SLC25A48: variants seen among roughly 807,000 people sequenced by gnomAD.
SLC25A48 encodes CTC-321K16.1.
In SLC25A48, 29 loss-of-function variants were observed where a neutral mutation model predicts 32.2. The observed-to-expected ratio is 0.90, with a 90% CI of 0.67 to 1.23. The LOEUF (loss-of-function observed/expected upper bound fraction) is 1.23. Among genes scored for constraint, SLC25A48 ranks in the 50% most tolerant of loss-of-function variants. The probability of loss-of-function intolerance (pLI) is 0.00; values close to 1 mark genes in which losing one functional copy is unlikely to be tolerated. For missense variants in SLC25A48, 399 were observed against 422.7 expected, an observed-to-expected ratio of 0.94 and a Z score of 0.49; for synonymous variants, 164 against 172.3, an observed-to-expected ratio of 0.95 and a Z score of 0.38.
intron 3 of SLC25A48, among the ~76,000 whole-genome samples, chr5:135,810,241 C>T (rs1367198816): frequency 6.6e-6 from 1 of 152,218 alleles, no homozygotes; most frequent in Non-Finnish European, 1.5e-5. Context: ...GGCTAAACTA[C>T]ATTAGTTTTC....
At chr5:135,667,918 C>T (rs927903890) in intron 3 of SLC25A48, among the ~76,000 whole-genome samples, 4 of 152,204 alleles carry the variant, frequency 2.6e-5, no homozygotes, top group Non-Finnish European at 2.9e-5. Context: ...CCAGGCACAA[C>T]GCCTTAGTCT....
intron 4 of SLC25A48, chr5:135,826,511 T>A (rs562112185): frequency 6.6e-6 from 1 of 152,392 alleles, no homozygotes; most frequent in African/African-American, 2.4e-5. Context: ...CCTGAACAAC[T>A]GAAGGGTGCA....
At chr5:135,839,746 T>G (rs1014104692) in intron 1 of SLC25A48, among the ~76,000 whole-genome samples, 11 of 152,182 alleles carry the variant, frequency 7.2e-5, no homozygotes, top group Non-Finnish European at 1.6e-4. Flanking sequence ...GACCCATGTG[T>G]CATGGGAAAG....
intron 3 of SLC25A48, among the ~76,000 whole-genome samples, chr5:135,667,527 C>A (rs571285081): frequency 5.8e-4 from 89 of 152,310 alleles, no homozygotes; most frequent in African/African-American, 2.1e-3. Flanking sequence ...GCTTGTGTAA[C>A]CACCCTTAGC....
intron 3 of SLC25A48, among the ~76,000 whole-genome samples, chr5:135,804,252 G>A (rs536575917): frequency 2.6e-5 from 4 of 151,560 alleles, no homozygotes; most frequent in East Asian, 1.9e-4. Flanking sequence ...GATCACCCCC[G>A]TGACATTAAG....
intron 3 of SLC25A48, among the ~76,000 whole-genome samples, chr5:135,682,251 G>A (rs1753914209): frequency 6.6e-6 from 1 of 152,154 alleles, no homozygotes; most frequent in South Asian, 2.1e-4. Flanking sequence ...ACTGCTCTGA[G>A]CCCTGCAGTC....
intron 3 of SLC25A48, among the ~76,000 whole-genome samples, chr5:135,724,031 A>G (rs971861762): frequency 6.6e-6 from 1 of 152,222 alleles, no homozygotes; most frequent in African/African-American, 2.4e-5. Context: ...AAGGAGGCTC[A>G]AGCCCAGATC....
At chr5:135,593,699 C>T (rs1365838865) in intron 1 of SLC25A48, among the ~76,000 whole-genome samples, 2 of 152,208 alleles carry the variant, frequency 1.3e-5, no homozygotes, top group East Asian at 1.9e-4. Context: ...GTAGTCCCTA[C>T]TCCAGATATT....
intron 3 of SLC25A48, among the ~76,000 whole-genome samples, chr5:135,777,866 G>A (rs1756608670): frequency 1.3e-5 from 2 of 151,420 alleles, no homozygotes; most frequent in Admixed American, 1.3e-4. Context: ...TAATGCTTAA[G>A]GAAGAAAAAT....
chr5:135,682,801 G>C (rs1307882455), intron 3 of SLC25A48, among the ~76,000 whole-genome samples: 1 of 152,164 alleles, frequency 6.6e-6, no homozygotes, highest in Non-Finnish European at 1.5e-5. Context: ...ATTCAATCTG[G>C]GGGAGGGTAT....
At chr5:135,833,350 C>G (rs954573029), upstream of SLC25A48, among the ~76,000 whole-genome samples, 1 of 152,258 alleles carries the variant, frequency 6.6e-6, no homozygotes, top group Non-Finnish European at 1.5e-5. Context: ...GGATGACAAA[C>G]TGCCTGGCAC....
intron 3 of SLC25A48, among the ~76,000 whole-genome samples, chr5:135,808,100 A>T (rs1197023320): frequency 1.3e-5 from 2 of 151,090 alleles, no homozygotes; most frequent in Non-Finnish European, 3.0e-5. Context: ...TATCATAGAT[A>T]TTTTATTAAT....
intron 3 of SLC25A48, among the ~76,000 whole-genome samples, chr5:135,690,056 G>T (rs1580787426): frequency 6.6e-6 from 1 of 152,092 alleles, no homozygotes; most frequent in African/African-American, 2.4e-5. Flanking sequence ...CCACTGCCTC[G>T]GTTTGCTTGG....
intron 3 of SLC25A48, among the ~76,000 whole-genome samples, chr5:135,729,777 T>C (rs1482658243): frequency 6.6e-6 from 1 of 152,210 alleles, no homozygotes; most frequent in African/African-American, 2.4e-5. Flanking sequence ...TTCCTTCTCA[T>C]CTAAAAGTAA....
rs1424959116 is a variant in SLC25A48, at chr5:135,874,043, G to A, written c.702G>A (p.Ala234=). ...CAGGAGCAATTTCTTGGGGGACAGC[G>A]ACTCCTATGGATGTCGTGAAAAGTC... ...GMAGAISWGT[A]TPMDVVKSRL... The change falls in exon 6 of 8, where the codon GCG becomes GCA. Residue 234 remains alanine, a synonymous_variant. Transcript: ENST00000681962. 35 of 1,532,480 alleles carry A rather than the reference G, an allele frequency of 2.3e-5. No individual in the cohort carries two copies. Among genetic ancestry groups the A allele is most frequent in the Middle Eastern group, 3.3e-4 (2 of 5,996 alleles). The allele number at this position is 1,532,480 out of a possible 1,614,324, so 94.9% of individuals were successfully genotyped here.
rs34299516 is a variant in SLC25A48, at chr5:135,646,659, T to TTATATATATATATATATA, written c.-521+11706_-521+11723dup. Among the ~76,000 whole-genome samples, 135 of 125,380 alleles carry TTATATATATATATATATA rather than the reference T, an allele frequency of 1.1e-3. 6 individuals are homozygous for TTATATATATATATATATA. The East Asian group carries it at 0.015, about 14-fold the overall frequency. 82.3% of individuals were successfully genotyped at this position (125,380 alleles called of 152,430 possible). A position where few individuals can be genotyped will look rare whatever the true frequency, so the allele number is the denominator to read the frequency against. On this transcript the variant is annotated intron_variant, in intron 3 of 10. Transcript: ENST00000646290. ...TACGCATTTATAATATAATTTCCCA[T>TTATATATATATATATATA]TATATATATATATATATATACAATG...
chr5:135,626,373 G>A (rs535307819), intron 1 of SLC25A48, among the ~76,000 whole-genome samples: 2 of 152,362 alleles, frequency 1.3e-5, no homozygotes, highest in African/African-American at 4.8e-5. Context: ...GTCAGAGTCA[G>A]TTGTTTTCAG....
At chr5:135,609,805 T>C (rs557201545) in intron 1 of SLC25A48, 1 of 152,342 alleles carries the variant, frequency 6.6e-6, no homozygotes, top group East Asian at 1.9e-4. Context: ...ACGTGTACAT[T>C]CATATATGCT....
chr5:135,695,404 T>G (rs1028851826), intron 3 of SLC25A48, among the ~76,000 whole-genome samples: 8 of 152,364 alleles, frequency 5.3e-5, no homozygotes, highest in African/African-American at 1.9e-4. Flanking sequence ...CAATAAGAAT[T>G]TGACAACAGA....
Sources: allele counts gnomAD v4.1 joint callset (sites outside exome capture counted in the v4.1 genomes callset), GRCh38; gene constraint gnomAD v4.1.1; transcripts MANE v1.5; gene names NCBI Gene and HGNC (gene_info 2026-07-23, HGNC 2026-07-21).